The following BTBD7 variants were observed in gnomAD, a reference collection of about 807,000 sequenced individuals.
BTBD7 encodes BTB domain containing 7.
A neutral mutation model predicts 99.9 loss-of-function variants in BTBD7; 38 were observed. The observed-to-expected ratio is 0.38, with a 90% confidence interval of 0.29 to 0.50. The LOEUF (loss-of-function observed/expected upper bound fraction) is 0.50. Ranked by LOEUF, BTBD7 falls within the 20% of genes least tolerant of loss-of-function variation. The pLI is 0.93. For synonymous variants in BTBD7, 520 were observed against 511.4 expected (o/e 1.02, Z -0.23); for missense variants, 1,170 against 1,394.6 (o/e 0.84, Z 2.57).
chr14:93,274,797 C>T (rs1377693641), intron 3 of BTBD7, among the ~76,000 whole-genome samples: 3 of 152,218 alleles, frequency 2.0e-5, no homozygotes, highest in African/African-American at 7.2e-5. Context: ...ACAGTTTTGA[C>T]ACTGGTCTAA....
rs34523849 is a variant in BTBD7 at position 93,325,106 on chromosome 14, ATTTT to A, written c.-107+7710_-107+7713del. ...TTAAGTAGAGAAGCAGCATGCTCCA[ATTTT>A]TTTTTTTTTTTTTTTTTTTTTGAGA... On this transcript the variant is annotated intron_variant, in intron 1 of 10. Transcript: ENST00000334746. Among the ~76,000 whole-genome samples, 143 of 105,552 alleles carry A rather than the reference ATTTT, an allele frequency of 1.4e-3. 1 individual carries two copies. The highest frequency in any genetic ancestry group is 5.0e-3 in the African/African-American group (131 of 26,230). 69.2% of individuals were successfully genotyped at this position (105,552 alleles called of 152,430 possible).
In BTBD7 at chr14:93,240,591, G is replaced by A. The variant is rs1380448515; in HGVS notation, c.*1682C>T. 1 of 152,624 alleles carries A rather than the reference G, an allele frequency of 6.6e-6. No homozygotes were observed. Among genetic ancestry groups the A allele is most frequent in the Admixed American group, 6.5e-5 (1 of 15,282 alleles). 9.5% of individuals were successfully genotyped at this position (152,624 alleles called of 1,614,324 possible). A position where few individuals can be genotyped will look rare whatever the true frequency, so the allele number is the denominator to read the frequency against. ...AAAAGAGGATCCCAAATATCCTGCAGAGGAAGGAATGCTTAGAAAGCCTCT... is the reference window on the plus strand; with the variant it reads ...AAAAGAGGATCCCAAATATCCTGCAAAGGAAGGAATGCTTAGAAAGCCTCT... On this transcript the variant is annotated 3_prime_UTR_variant, in exon 11 of 11. Transcript: ENST00000334746.
At chr14:93,244,441 G>C (rs2052277594) in intron 10 of BTBD7, 1 of 165,302 alleles carries the variant, frequency 6.0e-6, no homozygotes, top group African/African-American at 2.4e-5. Flanking sequence ...ATGAGGGTAG[G>C]AGTTCGAGGC....
chr14:93,251,931 A>G (rs989147196), intron 7 of BTBD7, among the ~76,000 whole-genome samples: 2 of 152,230 alleles, frequency 1.3e-5, no homozygotes, highest in Non-Finnish European at 2.9e-5. Context: ...TCAGAAATAA[A>G]TTACACACAA....
intron 10 of BTBD7, among the ~76,000 whole-genome samples, chr14:93,245,189 A>G (rs922077418): frequency 6.6e-6 from 1 of 151,842 alleles, no homozygotes; most frequent in African/African-American, 2.4e-5. Context: ...TTTTTAAAGT[A>G]TATTATACAA....
intron 3 of BTBD7, among the ~76,000 whole-genome samples, chr14:93,280,230 A>G (rs2052703028): frequency 6.6e-6 from 1 of 152,222 alleles, no homozygotes; most frequent in South Asian, 2.1e-4. Context: ...ATAATTAGAT[A>G]CAAGCTCAGA....
intron 3 of BTBD7, among the ~76,000 whole-genome samples, chr14:93,269,479 A>G (rs2052578167): frequency 6.6e-6 from 1 of 152,192 alleles, no homozygotes; most frequent in Admixed American, 6.5e-5. Flanking sequence ...TGACAAAGTG[A>G]TCCTAACACA....
At chr14:93,250,185 A>C (rs2052355071) in intron 8 of BTBD7, among the ~76,000 whole-genome samples, 1 of 152,224 alleles carries the variant, frequency 6.6e-6, no homozygotes, top group African/African-American at 2.4e-5. Context: ...AAGTGAGAAG[A>C]ACCCAGGATG....
At chr14:93,301,948 A>C (rs2053009829) in intron 1 of BTBD7, among the ~76,000 whole-genome samples, 1 of 152,184 alleles carries the variant, frequency 6.6e-6, no homozygotes, top group South Asian at 2.1e-4. Context: ...GCCAGTAAAG[A>C]TTTATTAGGC....
chr14:93,260,377 G>A (rs991925778), intron 5 of BTBD7, among the ~76,000 whole-genome samples: 2 of 152,162 alleles, frequency 1.3e-5, no homozygotes, highest in Non-Finnish European at 2.9e-5. Flanking sequence ...ATGTTTGAGG[G>A]AAGGAGGACA....
At chr14:93,331,969 G>A (rs1052942303) in intron 1 of BTBD7, among the ~76,000 whole-genome samples, 4 of 150,916 alleles carry the variant, frequency 2.7e-5, no homozygotes, top group African/African-American at 9.9e-5. Context: ...TTTTCGCAGA[G>A]TTAACAGTGC....
In BTBD7 at chr14:93,284,840, C is replaced by A. The variant is rs533440442; in HGVS notation, c.1162+9018G>T. On this transcript the variant is annotated intron_variant, in intron 3 of 10. Transcript: ENST00000334746. ...CATTTAATGATCAAAGGCAAAATAC[C>A]CCCCAGACAAATGAAAAGTGAGAGC... Among the ~76,000 whole-genome samples, 17 of 151,652 alleles carry A rather than the reference C, an allele frequency of 1.1e-4. 1 individual carries two copies. The highest frequency in any genetic ancestry group is 3.4e-4 in the African/African-American group (14 of 41,302).
Position 93,257,327 on chromosome 14 carries a change from A to G in BTBD7, c.1476T>C (p.His492=). 8 of 1,613,196 alleles carry G rather than the reference A, an allele frequency of 5.0e-6. No individual in the cohort carries two copies. The highest frequency in any genetic ancestry group is 1.3e-5 in the African/African-American group (1 of 75,012). ...TTTTTACACCTCTTTTGTTCACACT[A>G]TGGGCAGTGCCACTCAGTAAGTTTG... The part of the protein sequence containing the change: ...REPNLLSGTA[H]SVNKRGVKRR... The change falls in exon 6 of 11, where the codon CAT becomes CAC. Residue 492 remains histidine, a synonymous_variant. Transcript: ENST00000334746.
intron 1 of BTBD7, among the ~76,000 whole-genome samples, chr14:93,314,798 T>A: frequency 6.6e-6 from 1 of 152,342 alleles, no homozygotes; most frequent in East Asian, 1.9e-4. Context: ...CTGGACATTA[T>A]TCATCTTTGC....
In BTBD7 at chr14:93,261,587, A is replaced by C; in HGVS notation, c.1447+15T>G. 1 of 1,602,038 alleles carries C rather than the reference A, an allele frequency of 6.2e-7. No individual in the cohort carries two copies. The highest frequency in any genetic ancestry group is 8.5e-7 in the Non-Finnish European group (1 of 1,170,738). On this transcript the variant is annotated intron_variant, in intron 5 of 10. Transcript: ENST00000334746. ...TACACAAGGTAACTAGTGCAAGCTA[A>C]TTTTCGGAGCTTACCTCTATCTGCT...
chr14:93,304,151 G>C (rs928379965), intron 1 of BTBD7, among the ~76,000 whole-genome samples: 1 of 152,192 alleles, frequency 6.6e-6, no homozygotes, highest in African/African-American at 2.4e-5. Context: ...TAAGGTGATG[G>C]GGCCTGCCAT....
intron 1 of BTBD7, among the ~76,000 whole-genome samples, chr14:93,311,504 C>T (rs1041352617): frequency 6.6e-6 from 1 of 152,174 alleles, no homozygotes; most frequent in East Asian, 1.9e-4. Context: ...TCTACATAAA[C>T]ATGTACATAG....
chr14:93,278,868 C>T (rs1197931829), intron 3 of BTBD7, among the ~76,000 whole-genome samples: 8 of 152,270 alleles, frequency 5.3e-5, no homozygotes, highest in African/African-American at 9.6e-5. Flanking sequence ...ATTTTTGGTA[C>T]CCCATTTGGC....
At chr14:93,257,970 G>A (rs977837041) in intron 5 of BTBD7, among the ~76,000 whole-genome samples, 1 of 148,416 alleles carries the variant, frequency 6.7e-6, no homozygotes, top group Non-Finnish European at 1.5e-5. Flanking sequence ...CCAAGGCAGA[G>A]AATGATTTCT....
Sources: allele counts gnomAD v4.1 joint callset (sites outside exome capture counted in the v4.1 genomes callset), GRCh38; gene constraint gnomAD v4.1.1; transcripts MANE v1.5; gene names NCBI Gene and HGNC (gene_info 2026-07-23, HGNC 2026-07-21).